PTPRG: variants seen among roughly 807,000 people sequenced by gnomAD.
The protein encoded by PTPRG is receptor-type tyrosine-protein phosphatase gamma.
A neutral mutation model predicts 165.3 loss-of-function variants in PTPRG; 102 were observed. The observed-to-expected ratio is 0.62, with a 90% CI of 0.53 to 0.73. The LOEUF is 0.73. Ranked by LOEUF, PTPRG falls within the 30% of genes least tolerant of loss-of-function variation. The pLI is 0.00. For missense variants in PTPRG, 1,866 were observed against 1,861.4 expected (o/e 1.00, Z -0.05); for synonymous variants, 675 against 669.5 (o/e 1.01, Z -0.13).
chr3:61,730,082 G>T (rs145341780), intron 1 of PTPRG, among the ~76,000 whole-genome samples: 1 of 152,192 alleles, frequency 6.6e-6, no homozygotes, highest in Admixed American at 6.5e-5. Flanking sequence ...GGTCTGCTGC[G>T]ATTTCTTTGA....
intron 4 of PTPRG, among the ~76,000 whole-genome samples, chr3:62,060,802 A>T (rs1287641118): frequency 6.6e-6 from 1 of 152,202 alleles, no homozygotes; most frequent in Non-Finnish European, 1.5e-5. Flanking sequence ...ACCGAAGTTA[A>T]ATATCTTATA....
At chr3:61,825,651 G>GTT (rs34142867) in intron 2 of PTPRG, among the ~76,000 whole-genome samples, 396 of 148,282 alleles carry the variant, frequency 2.7e-3, no homozygotes, top group Non-Finnish European at 4.3e-3. Context: ...GTTTTCTTAG[G>GTT]TTTTTTTTTT....
At chr3:62,142,602 A>C (rs1051595317) in intron 6 of PTPRG, among the ~76,000 whole-genome samples, 1 of 152,144 alleles carries the variant, frequency 6.6e-6, no homozygotes, top group Non-Finnish European at 1.5e-5. Context: ...CAACAACCAA[A>C]GGGGAGTGAC....
intron 2 of PTPRG, among the ~76,000 whole-genome samples, chr3:61,931,308 A>T (rs1162035235): frequency 6.6e-6 from 1 of 152,086 alleles, no homozygotes; most frequent in Non-Finnish European, 1.5e-5. Context: ...AAGGTTTATT[A>T]CTTGTTGTGG....
chr3:62,145,364 C>G (rs749845849), intron 6 of PTPRG, among the ~76,000 whole-genome samples: 2 of 152,096 alleles, frequency 1.3e-5, no homozygotes, highest in Non-Finnish European at 2.9e-5. Context: ...TGCCACCAAC[C>G]CCCACTGCCC....
intron 1 of PTPRG, among the ~76,000 whole-genome samples, chr3:61,631,500 A>G (rs1701774281): frequency 6.6e-6 from 1 of 152,218 alleles, no homozygotes; most frequent in South Asian, 2.1e-4. Flanking sequence ...AAACTTTATC[A>G]TGGATATAGT....
chr3:61,681,399 G>A (rs539904912), intron 1 of PTPRG, among the ~76,000 whole-genome samples: 49 of 152,256 alleles, frequency 3.2e-4, no homozygotes, highest in Middle Eastern at 6.8e-3. Flanking sequence ...ATTTTTAATT[G>A]CAGCCTTCAT....
intron 1 of PTPRG, among the ~76,000 whole-genome samples, chr3:61,646,868 A>G (rs904865221): frequency 1.3e-5 from 2 of 152,202 alleles, no homozygotes; most frequent in Non-Finnish European, 2.9e-5. Flanking sequence ...TATAAAGGAA[A>G]TCATACGGTA....
At chr3:61,908,454 A>C (rs2038715520) in intron 2 of PTPRG, among the ~76,000 whole-genome samples, 1 of 151,824 alleles carries the variant, frequency 6.6e-6, no homozygotes, top group South Asian at 2.1e-4. Context: ...CAGAAGTGGA[A>C]ATCTAGTTGT....
intron 2 of PTPRG, among the ~76,000 whole-genome samples, chr3:61,843,157 G>C (rs2036689722): frequency 6.6e-6 from 1 of 151,996 alleles, no homozygotes. Context: ...TTTAAATTTT[G>C]ATAAGCCACA....
At chr3:61,613,472 T>C (rs1253981852) in intron 1 of PTPRG, among the ~76,000 whole-genome samples, 1 of 152,244 alleles carries the variant, frequency 6.6e-6, no homozygotes, top group African/African-American at 2.4e-5. Flanking sequence ...ATTTGTGTGT[T>C]TCTTAGATTG....
At chr3:61,631,092 T>A (rs78278743) in intron 1 of PTPRG, among the ~76,000 whole-genome samples, 1 of 151,850 alleles carries the variant, frequency 6.6e-6, no homozygotes, top group Non-Finnish European at 1.5e-5. Context: ...TTTTTTTTTT[T>A]AAAGACAAAT....
At position 62,203,612 on chromosome 3, in the gene PTPRG, A is replaced by G; in HGVS notation, c.1817A>G (p.Lys606Arg). ...EEDGEKDSEK[K>R]EKSGVTHAAE... ...GATGGAGAGAAGGACTCCGAAAAGAAGGAGAAGAGTGGGGTGACCCACGCT... is the reference window on the plus strand; with the variant it reads ...GATGGAGAGAAGGACTCCGAAAAGAGGGAGAAGAGTGGGGTGACCCACGCT... Residue 606 changes from lysine to arginine, a missense_variant, in exon 12 of 30, where the codon AAG becomes AGG. By Grantham distance (26) the Lys-to-Arg change is conservative. Transcript: ENST00000474889. The surrounding 1 kb of genome is among the most constrained non-coding windows in gnomAD (Gnocchi z 6.4). 6.4e-7 allele frequency: 1 copy of G among 1,553,558 alleles called. No individual in the cohort carries two copies. Among genetic ancestry groups the G allele is most frequent in the Non-Finnish European group, 8.7e-7 (1 of 1,147,902 alleles).
intron 14 of PTPRG, among the ~76,000 whole-genome samples, chr3:62,231,935 A>G (rs1700913181): frequency 6.6e-6 from 1 of 152,120 alleles, no homozygotes; most frequent in Non-Finnish European, 1.5e-5. Flanking sequence ...ATGATTGTAC[A>G]GTTTTAATCA....
intron 1 of PTPRG, among the ~76,000 whole-genome samples, chr3:61,711,682 G>A (rs2031563707): frequency 1.3e-5 from 2 of 152,146 alleles, no homozygotes; most frequent in African/African-American, 4.8e-5. Flanking sequence ...TTTTTGCAAT[G>A]TGTACATCTG....
intron 17 of PTPRG, 133 bp downstream of exon 17, chr3:62,263,027 C>A: frequency 1.5e-6 from 1 of 677,946 alleles, no homozygotes. Context: ...CTCTCATTAG[C>A]CCATCTTCAA....
chr3:62,236,972 G>GGTTT lies in PTPRG; in HGVS notation c.2375+5685_2375+5688dup, dbSNP rs374757586. ...GGTTTGGAGACCTGCCTTTTAAGGA[G>GGTTT]GTTTGTTTGTTTGTTTGTTTGTTTG... is the stretch of plus-strand genomic sequence containing the variant. On this transcript the variant is annotated intron_variant, in intron 14 of 29. Transcript: ENST00000474889. 3.8e-3 allele frequency among the ~76,000 whole-genome samples: 577 copies of GGTTT among 152,164 alleles called. 2 individuals carry two copies. The highest frequency in any genetic ancestry group is 0.012 in the African/African-American group (503 of 41,484).
At chr3:61,861,344 T>G (rs1006060610) in intron 2 of PTPRG, among the ~76,000 whole-genome samples, 2 of 152,168 alleles carry the variant, frequency 1.3e-5, no homozygotes, top group Non-Finnish European at 2.9e-5. Flanking sequence ...TCTCAAAGCT[T>G]TTGTCAAGCT....
rs1279293276 is a variant in PTPRG at position 61,748,916 on chromosome 3, A to G, written c.124A>G (p.Arg42Gly). The G allele has an allele frequency of 6.2e-7, 1 of 1,613,588 alleles. No homozygotes were observed. The change falls in exon 2 of 30, where the codon AGA (arginine) becomes GGA (glycine). Residue 42 changes from arginine to glycine, a missense_variant. By Grantham distance (125) the Arg-to-Gly change is moderately radical (BLOSUM62 -2). Coordinates refer to ENST00000474889, the MANE Select transcript of PTPRG (RefSeq NM_002841.4). ...EGYVGALHENRHGSAVQIRRR... is the reference protein window; with the variant it reads ...EGYVGALHENGHGSAVQIRRR... ...CTACGTTGGGGCCCTGCACGAGAAT[A>G]GACACGGCAGCGCAGTGCAGATCCG...
Sources: allele counts gnomAD v4.1 joint callset (sites outside exome capture counted in the v4.1 genomes callset), GRCh38; gene constraint gnomAD v4.1.1; non-coding constraint Gnocchi (gnomAD v3.1); transcripts MANE v1.5; gene names NCBI Gene and HGNC (gene_info 2026-07-23, HGNC 2026-07-21).